Variants in BCKDHA observed in about 807,000 individuals in gnomAD.
The protein encoded by BCKDHA is branched chain keto acid dehydrogenase E1 subunit alpha.
In BCKDHA, 43 loss-of-function variants were observed where a neutral mutation model predicts 52.2. That is an observed-to-expected ratio of 0.82 (90% CI 0.64 to 1.06). The LOEUF is 1.06. Among genes scored for constraint, BCKDHA ranks in the 50% least tolerant of loss-of-function variants. The probability of loss-of-function intolerance (pLI) is 0.00; values close to 1 mark genes in which losing one functional copy is unlikely to be tolerated. For synonymous variants in BCKDHA, 234 were observed against 247.9 expected, an observed-to-expected ratio of 0.94 and a Z score of 0.53; for missense variants, 527 against 621.3, an observed-to-expected ratio of 0.85 and a Z score of 1.61.
In BCKDHA at chr19:41,424,984, C is replaced by G. The variant is rs1298592033; in HGVS notation, c.*376C>G. 5.1e-6 allele frequency: 1 copy of G among 196,992 alleles called. No individual in the cohort carries two copies. Among genetic ancestry groups the G allele is most frequent in the East Asian group, 1.3e-4 (1 of 7,812 alleles). 12.2% of individuals were successfully genotyped at this position (196,992 alleles called of 1,614,324 possible). On this transcript the variant is annotated 3_prime_UTR_variant, in exon 9 of 9. Coordinates refer to ENST00000269980, the MANE Select transcript of BCKDHA (RefSeq NM_000709.4). Reference sequence around the variant, plus strand: ...AGCAGAGGTCACGAATAAACTGCATCTCTGCGCCTGGCTCTCTACCACCTC... The same window carrying G: ...AGCAGAGGTCACGAATAAACTGCATGTCTGCGCCTGGCTCTCTACCACCTC...
rs2039383090 is a variant in BCKDHA at position 41,422,775 on chromosome 19, C to T, written c.995+5C>T. 6.2e-7 allele frequency: 1 copy of T among 1,612,834 alleles called. No homozygotes were observed. Among genetic ancestry groups the T allele is most frequent in the Non-Finnish European group, 8.5e-7 (1 of 1,179,986 alleles). On this transcript the variant is annotated splice_donor_5th_base_variant and intron_variant, in intron 7 of 8. Coordinates refer to ENST00000269980, the MANE Select transcript of BCKDHA (RefSeq NM_000709.4). ...CATCGAGGCCATGACCTACAGGTGC[C>T]TGCCGCTCCCCCCGTCAGCACCCCC...
rs1165991683 is a variant in BCKDHA, at chr19:41,410,957, G to A, written c.323G>A (p.Ser108Asn). The A allele has an allele frequency of 5.6e-6, 9 of 1,614,190 alleles. No individual in the cohort carries two copies. In the South Asian group the frequency reaches 9.9e-5, roughly 18 times the overall value. Reference sequence around the variant, plus strand: ...GAGAAGGTGCTGAAGCTCTACAAGAGCATGACACTGCTTAACACCATGGAC... The same window carrying A: ...GAGAAGGTGCTGAAGCTCTACAAGAACATGACACTGCTTAACACCATGGAC... Reference protein sequence around the residue: ...PKEKVLKLYKSMTLLNTMDRI... With the variant: ...PKEKVLKLYKNMTLLNTMDRI... Residue 108 changes from serine to asparagine, a missense_variant, in exon 3 of 9, where the codon AGC (serine) becomes AAC (asparagine). Transcript: ENST00000269980.
chr19:41,411,582 C>T (rs764146550), intron 3 of BCKDHA, among the ~76,000 whole-genome samples: 20 of 152,186 alleles, frequency 1.3e-4, no homozygotes, highest in Non-Finnish European at 2.6e-4. Flanking sequence ...CCCACACCCC[C>T]ACCTTTATAG....
chr19:41,400,364 C>T lies in BCKDHA; in HGVS notation c.108+2429C>T, dbSNP rs865885798. 5 of 152,178 alleles carry T rather than the reference C, an allele frequency of 3.3e-5. No homozygotes were observed. In the South Asian group the frequency reaches 6.2e-4, roughly 19 times the overall value. 9.4% of individuals were successfully genotyped at this position (152,178 alleles called of 1,614,324 possible). A position where few individuals can be genotyped will look rare whatever the true frequency, so the allele number is the denominator to read the frequency against. On this transcript the variant is annotated intron_variant, in intron 1 of 8. Coordinates refer to ENST00000269980, the MANE Select transcript of BCKDHA (RefSeq NM_000709.4). Reference sequence around the variant, plus strand: ...AAGTGATTCTCCTGCCTCAGCCTCCCAAATAGCTGGGACTACTGGCGTGCG... The same window carrying T: ...AAGTGATTCTCCTGCCTCAGCCTCCTAAATAGCTGGGACTACTGGCGTGCG...
intron 1 of BCKDHA, among the ~76,000 whole-genome samples, chr19:41,408,130 A>G (rs2039213085): frequency 6.6e-6 from 1 of 151,348 alleles, no homozygotes; most frequent in Admixed American, 6.6e-5. Context: ...TAATGTTTGT[A>G]TTTTTTTGTG....
chr19:41,422,355 C>G lies in BCKDHA; in HGVS notation c.838C>G (p.Arg280Gly), dbSNP rs751539546. ...CTCCACGCCCACCTCTGAGCAGTAT[C>G]GCGGCGATGGCATTGGTATGGGCTC... ...AISTPTSEQY[R>G]GDGIAARGPG... The change falls in exon 6 of 9, where the codon CGC becomes GGC. Residue 280 changes from arginine to glycine, a missense_variant. Physicochemically the swap from Arg to Gly is moderately radical, Grantham distance 125 (BLOSUM62 -2). Coordinates refer to ENST00000269980, the MANE Select transcript of BCKDHA (RefSeq NM_000709.4). The G allele has an allele frequency of 6.2e-7, 1 of 1,614,066 alleles. No individual in the cohort carries two copies.
At chr19:41,409,228 T>C (rs1327369279) in intron 1 of BCKDHA, among the ~76,000 whole-genome samples, 2 of 152,200 alleles carry the variant, frequency 1.3e-5, no homozygotes, top group East Asian at 3.8e-4. Flanking sequence ...ACTTTTTGTC[T>C]TTTGCATGTT....
intron 3 of BCKDHA, among the ~76,000 whole-genome samples, chr19:41,412,382 T>TTTTTC (rs1302161844): frequency 1.8e-5 from 2 of 111,354 alleles, no homozygotes; most frequent in African/African-American, 8.4e-5. Flanking sequence ...AGATATTTCT[T>TTTTTC]TTTTTTTTTT....
intron 1 of BCKDHA, among the ~76,000 whole-genome samples, chr19:41,407,713 A>G (rs969808191): frequency 6.6e-6 from 1 of 152,210 alleles, no homozygotes; most frequent in Admixed American, 6.5e-5. Flanking sequence ...CTGCAGTTAA[A>G]GGAAGACGGA....
chr19:41,415,866 C>T (rs2039303032), intron 4 of BCKDHA, among the ~76,000 whole-genome samples: 1 of 145,670 alleles, frequency 6.9e-6, no homozygotes, highest in African/African-American at 2.6e-5. Context: ...CCAGGATGGT[C>T]TTGATCTCCT....
intron 4 of BCKDHA, among the ~76,000 whole-genome samples, chr19:41,416,252 G>C (rs976615172): frequency 1.3e-5 from 2 of 152,264 alleles, no homozygotes; most frequent in East Asian, 3.9e-4. Context: ...GCCAGCCAAG[G>C]TGCTGTTATA....
intron 4 of BCKDHA, among the ~76,000 whole-genome samples, chr19:41,416,252 G>T (rs976615172): frequency 6.6e-6 from 1 of 152,146 alleles, no homozygotes; most frequent in Non-Finnish European, 1.5e-5. Context: ...GCCAGCCAAG[G>T]TGCTGTTATA....
intron 3 of BCKDHA, among the ~76,000 whole-genome samples, chr19:41,412,750 C>T (rs745307555): frequency 5.3e-5 from 8 of 151,966 alleles, no homozygotes; most frequent in Non-Finnish European, 8.8e-5. Context: ...GTCGCCCAGG[C>T]TGGAGTGCAG....
intron 1 of BCKDHA, among the ~76,000 whole-genome samples, chr19:41,398,250 C>G (rs2039098595): frequency 6.6e-6 from 1 of 152,078 alleles, no homozygotes; most frequent in Non-Finnish European, 1.5e-5. Flanking sequence ...CTTGGAGGAA[C>G]AGGGGAAGAC....
At chr19:41,403,183 C>G (rs1018009681) in intron 1 of BCKDHA, among the ~76,000 whole-genome samples, 1 of 152,176 alleles carries the variant, frequency 6.6e-6, no homozygotes, top group African/African-American at 2.4e-5. Flanking sequence ...ACGAGATATT[C>G]TGGGAAGGGG....
chr19:41,402,716 A>T (rs181087341), intron 1 of BCKDHA, among the ~76,000 whole-genome samples: 1 of 152,280 alleles, frequency 6.6e-6, no homozygotes, highest in East Asian at 1.9e-4. Context: ...ATTTCTGCTC[A>T]CTGCAACCTC....
intron 2 of BCKDHA, 40 bp from the exon 3 acceptor site, chr19:41,410,883 G>A: frequency 6.2e-7 from 1 of 1,613,814 alleles, no homozygotes. Context: ...CTCCTCTCTG[G>A]TCCCAACTGC....
Position 41,424,648 on chromosome 19 carries a change from G to A in BCKDHA, c.*40G>A, listed in dbSNP as rs751306245. The A allele has an allele frequency of 1.9e-5, 28 of 1,503,736 alleles. 1 individual carries two copies. In the East Asian group the frequency reaches 2.1e-4, roughly 11 times the overall value. The allele number at this position is 1,503,736 out of a possible 1,614,324, so 93.1% of individuals were successfully genotyped here. A position where few individuals can be genotyped will look rare whatever the true frequency, so the allele number is the denominator to read the frequency against. ...ACCCCCACCCATCCTCAGCTACCCCGAGAGGTAGCCCCACTCTAAGGGGAG... is the reference window on the plus strand; with the variant it reads ...ACCCCCACCCATCCTCAGCTACCCCAAGAGGTAGCCCCACTCTAAGGGGAG... On this transcript the variant is annotated 3_prime_UTR_variant, in exon 9 of 9. Coordinates refer to ENST00000269980, the MANE Select transcript of BCKDHA (RefSeq NM_000709.4).
In BCKDHA at chr19:41,422,656, T is replaced by C; in HGVS notation, c.881T>C (p.Met294Thr). The C allele has an allele frequency of 6.2e-7, 1 of 1,614,156 alleles. No homozygotes were observed. Among genetic ancestry groups the C allele is most frequent in the South Asian group, 1.1e-5 (1 of 91,084 alleles). ...GCACGAGGCCCCGGGTATGGCATCA[T>C]GTCAATCCGCGTGGATGGTAATGAT... ...IAARGPGYGI[M>T]SIRVDGNDVF... The change falls in exon 7 of 9, where the codon ATG becomes ACG. Residue 294 changes from methionine (M) to threonine (T), a missense_variant. Met to Thr is a moderately conservative substitution (Grantham distance 81, BLOSUM62 -1). Coordinates refer to ENST00000269980, the MANE Select transcript of BCKDHA (RefSeq NM_000709.4).
Sources: allele counts gnomAD v4.1 joint callset (sites outside exome capture counted in the v4.1 genomes callset), GRCh38; gene constraint gnomAD v4.1.1; transcripts MANE v1.5; gene names NCBI Gene and HGNC (gene_info 2026-07-23, HGNC 2026-07-21).